The following DDX10 variants were observed in gnomAD, a reference collection of about 807,000 sequenced individuals.
The protein encoded by DDX10 is DEAD-box helicase 10, also known as probable ATP-dependent RNA helicase DDX10.
DDX10 carries 74 observed loss-of-function variants against 104.3 expected under a neutral mutation model. The observed-to-expected ratio is 0.71, with a 90% CI of 0.59 to 0.86. The LOEUF is 0.86. Ranked by LOEUF, DDX10 falls within the 40% of genes least tolerant of loss-of-function variation. The probability of loss-of-function intolerance (pLI) is 0.00; values close to 1 mark genes in which losing one functional copy is unlikely to be tolerated. For synonymous variants in DDX10, 351 were observed against 353.4 expected (o/e 0.99, Z 0.08); for missense variants, 952 against 1,040.0 (o/e 0.92, Z 1.16).
At chr11:108,857,737 C>G (rs1425805398) in intron 16 of DDX10, among the ~76,000 whole-genome samples, 1 of 152,202 alleles carries the variant, frequency 6.6e-6, no homozygotes, top group Non-Finnish European at 1.5e-5. Flanking sequence ...ATGGCAGAGC[C>G]AGGATGCAAA....
intron 15 of DDX10, among the ~76,000 whole-genome samples, chr11:108,850,413 G>A (rs1274487795): frequency 6.6e-6 from 1 of 152,058 alleles, no homozygotes; most frequent in Non-Finnish European, 1.5e-5. Context: ...TAGTAGAAAG[G>A]ATTTTTCTGA....
chr11:108,852,280 G>T, intron 16 of DDX10, 71 bp downstream of exon 16: 1 of 1,192,140 alleles, frequency 8.4e-7, no homozygotes, highest in Non-Finnish European at 1.2e-6. Flanking sequence ...TTTATATTTT[G>T]GCAAGAACAA....
At chr11:108,758,262 A>G (rs946838961) in intron 13 of DDX10, among the ~76,000 whole-genome samples, 1 of 152,054 alleles carries the variant, frequency 6.6e-6, no homozygotes, top group African/African-American at 2.4e-5. Context: ...ACAAATGCTT[A>G]TATTATTTAT....
In DDX10 at chr11:108,776,890, A is replaced by T. The variant is rs76235517; in HGVS notation, c.1965+53428A>T. ...GGAAGTAAATTTTGCCAACAACCTG[A>T]ATGAGCTTGGAAGTCAAGTTTTCTC... On this transcript the variant is annotated intron_variant, in intron 13 of 17. Coordinates refer to ENST00000322536, the MANE Select transcript of DDX10 (RefSeq NM_004398.4). Among the ~76,000 whole-genome samples the T allele has an allele frequency of 1.6e-4, 24 of 152,314 alleles. No homozygotes were observed. In the East Asian group the frequency reaches 4.6e-3, roughly 29 times the overall value.
intron 10 of DDX10, among the ~76,000 whole-genome samples, chr11:108,708,715 G>T (rs1260234207): frequency 6.6e-6 from 1 of 151,844 alleles, no homozygotes; most frequent in Non-Finnish European, 1.5e-5. Context: ...TTACAGGCAT[G>T]TGCCACCATG....
At chr11:108,865,922 C>G (rs1368460442) in intron 16 of DDX10, among the ~76,000 whole-genome samples, 1 of 151,788 alleles carries the variant, frequency 6.6e-6, no homozygotes, top group African/African-American at 2.4e-5. Context: ...ATGATTGAAT[C>G]CAAAGAAAAA....
chr11:108,757,794 T>G (rs756720631), intron 13 of DDX10, among the ~76,000 whole-genome samples: 1 of 152,070 alleles, frequency 6.6e-6, no homozygotes, highest in South Asian at 2.1e-4. Flanking sequence ...TGGTTCATTT[T>G]CTTACTGTCT....
chr11:108,805,921 TA>T (rs1468307586), intron 13 of DDX10, among the ~76,000 whole-genome samples: 2 of 152,144 alleles, frequency 1.3e-5, no homozygotes, highest in Non-Finnish European at 2.9e-5. Context: ...ATAATCTTTC[TA>T]AAAATTGTTT....
chr11:108,788,997 C>T (rs1001595253), intron 13 of DDX10, among the ~76,000 whole-genome samples: 2 of 152,128 alleles, frequency 1.3e-5, no homozygotes, highest in Non-Finnish European at 2.9e-5. Flanking sequence ...GCAGATAGGC[C>T]GTACCCTCTC....
Position 108,882,706 on chromosome 11 carries a change from C to G in DDX10, c.2304+30497C>G, listed in dbSNP as rs559501373. ...AAGTGAGACTTAACAAGTTTCTTGT[C>G]TGTGTTAACTTTTGTTTCTATTTCT... is the stretch of plus-strand genomic sequence containing the variant. On this transcript the variant is annotated intron_variant, in intron 16 of 17. Coordinates refer to ENST00000322536, the MANE Select transcript of DDX10 (RefSeq NM_004398.4). 1.1e-3 allele frequency among the ~76,000 whole-genome samples: 166 copies of G among 152,194 alleles called. 1 individual carries two copies. Among genetic ancestry groups the G allele is most frequent in the African/African-American group, 3.7e-3 (154 of 41,530 alleles).
At chr11:108,739,072 C>T (rs539597626) in intron 13 of DDX10, among the ~76,000 whole-genome samples, 62 of 152,270 alleles carry the variant, frequency 4.1e-4, no homozygotes, top group African/African-American at 1.4e-3. Flanking sequence ...TCTGCCCCCC[C>T]AGGGAGACAC....
intron 16 of DDX10, among the ~76,000 whole-genome samples, chr11:108,852,613 A>G (rs1490675607): frequency 6.6e-6 from 1 of 152,226 alleles, no homozygotes; most frequent in South Asian, 2.1e-4. Context: ...ATAACAGGTA[A>G]CTCTGAAAGC....
At chr11:108,675,088 TTGTGTGTG>T (rs142204234) in intron 2 of DDX10, among the ~76,000 whole-genome samples, 200 of 146,844 alleles carry the variant, frequency 1.4e-3, no homozygotes, top group East Asian at 4.6e-3. Flanking sequence ...CATATTCCAT[TTGTGTGTG>T]TGTGTGTGTG....
intron 16 of DDX10, among the ~76,000 whole-genome samples, chr11:108,908,908 G>A (rs560931035): frequency 1.9e-4 from 29 of 152,196 alleles, no homozygotes; most frequent in Non-Finnish European, 3.8e-4. Flanking sequence ...CTGAAGAAAC[G>A]ATGCTTAGAA....
intron 16 of DDX10, among the ~76,000 whole-genome samples, chr11:108,899,627 T>TC (rs1863488895): frequency 1.3e-5 from 2 of 152,154 alleles, no homozygotes; most frequent in Non-Finnish European, 1.5e-5. Context: ...TATTTTGTCA[T>TC]CCTAAACTTT....
intron 13 of DDX10, among the ~76,000 whole-genome samples, chr11:108,771,872 A>G (rs1423043296): frequency 1.3e-5 from 2 of 152,202 alleles, no homozygotes; most frequent in Non-Finnish European, 2.9e-5. Flanking sequence ...CATCATGGTC[A>G]GTAGTCTTGT....
chr11:108,714,192 A>G (rs1281053414), intron 10 of DDX10, among the ~76,000 whole-genome samples: 1 of 152,188 alleles, frequency 6.6e-6, no homozygotes, highest in Non-Finnish European at 1.5e-5. Flanking sequence ...GGGCTGCCTT[A>G]TGAATGGGTC....
intron 13 of DDX10, among the ~76,000 whole-genome samples, chr11:108,788,245 G>T (rs1473496097): frequency 6.6e-6 from 1 of 152,176 alleles, no homozygotes; most frequent in Non-Finnish European, 1.5e-5. Flanking sequence ...TTGTGTGTGA[G>T]GGCTAGTGGC....
intron 13 of DDX10, among the ~76,000 whole-genome samples, chr11:108,733,695 A>C (rs2094315055): frequency 6.6e-6 from 1 of 151,284 alleles, no homozygotes; most frequent in African/African-American, 2.4e-5. Flanking sequence ...TTAGTGTTCC[A>C]TTTTCACTTC....
Sources: gnomAD v4.1 joint callset for allele counts (sites outside exome capture counted in the v4.1 genomes callset) on GRCh38, gnomAD v4.1.1 for gene constraint, MANE v1.5 for transcripts, NCBI Gene and HGNC (gene_info 2026-07-23, HGNC 2026-07-21) for gene names.